The following SUPT16H variants were observed in gnomAD, a reference collection of about 807,000 sequenced individuals.
The protein encoded by SUPT16H is SPT16 homolog, facilitates chromatin remodeling subunit.
In SUPT16H, 24 loss-of-function variants were observed where a neutral mutation model predicts 136.2. The ratio of observed to expected loss-of-function variants is 0.18; its 90% confidence interval spans 0.13 to 0.25. The LOEUF is 0.25. Among genes scored for constraint, SUPT16H ranks in the 10% least tolerant of loss-of-function variants. SUPT16H has a pLI of 1.00. For missense variants in SUPT16H, 623 were observed against 1,270.2 expected (o/e 0.49, Z 7.74); for synonymous variants, 415 against 428.2 (o/e 0.97, Z 0.38).
At chr14:21,381,893 G>C (rs930335904) in intron 1 of SUPT16H, among the ~76,000 whole-genome samples, 9 of 151,206 alleles carry the variant, frequency 6.0e-5, no homozygotes, top group Admixed American at 5.3e-4. Context: ...TGCCCAGCCA[G>C]GTTTGGAATT....
At chr14:21,366,597 T>C (rs1886673522) in intron 7 of SUPT16H, 68 bp from the exon 8 acceptor site, 1 of 1,431,142 alleles carries the variant, frequency 7.0e-7, no homozygotes, top group South Asian at 1.2e-5. Context: ...CATTTTAAAA[T>C]CAAAATTTAT....
chr14:21,362,669 G>C, intron 14 of SUPT16H, 125 bp downstream of exon 14: 1 of 1,125,628 alleles, frequency 8.9e-7, no homozygotes, highest in Admixed American at 2.5e-5. Context: ...AGGGATGTCA[G>C]TAACTGAACA....
At chr14:21,379,555 T>C (rs575568252) in intron 1 of SUPT16H, among the ~76,000 whole-genome samples, 1 of 151,914 alleles carries the variant, frequency 6.6e-6, no homozygotes, top group Non-Finnish European at 1.5e-5. Flanking sequence ...TACTCAGCAT[T>C]ATTAAAAAGT....
At chr14:21,376,566 G>A (rs1015619934) in intron 1 of SUPT16H, among the ~76,000 whole-genome samples, 1 of 152,122 alleles carries the variant, frequency 6.6e-6, no homozygotes, top group African/African-American at 2.4e-5. Context: ...AGTAAGAAAT[G>A]TTTTCCTTCA....
chr14:21,371,369 C>T (rs1886782058), intron 3 of SUPT16H, among the ~76,000 whole-genome samples: 1 of 152,288 alleles, frequency 6.6e-6, no homozygotes, highest in African/African-American at 2.4e-5. Context: ...CCTCCCATCT[C>T]AGCCTCCTGA....
chr14:21,370,162 T>C (rs1450389197), intron 4 of SUPT16H, among the ~76,000 whole-genome samples, 174 bp downstream of exon 4: 6 of 152,104 alleles, frequency 3.9e-5, no homozygotes, highest in African/African-American at 2.4e-5. Flanking sequence ...TAAAGGCAGA[T>C]AGAAGAAAGG....
At chr14:21,383,744 G>C (rs1264750618) in intron 1 of SUPT16H, 118 bp downstream of exon 1, 1 of 1,175,700 alleles carries the variant, frequency 8.5e-7, no homozygotes, top group African/African-American at 1.5e-5. Context: ...GCAACGAAAA[G>C]GGTGAGGCAC....
chr14:21,366,253 T>A (rs1293356638), intron 8 of SUPT16H, among the ~76,000 whole-genome samples, 186 bp downstream of exon 8: 1 of 152,228 alleles, frequency 6.6e-6, no homozygotes, highest in African/African-American at 2.4e-5. Flanking sequence ...AAAATCTCTC[T>A]TATACACTTG....
intron 12 of SUPT16H, 24 bp downstream of exon 12, chr14:21,363,208 AT>A (rs765801063): frequency 6.2e-7 from 1 of 1,614,158 alleles, no homozygotes; most frequent in East Asian, 2.2e-5. Context: ...GCCGAGATCA[AT>A]GTAATTTAAA....
intron 2 of SUPT16H, chr14:21,372,726 A>G: frequency 2.3e-6 from 1 of 433,574 alleles, no homozygotes; most frequent in Non-Finnish European, 4.5e-6. Context: ...GACTATACAT[A>G]AGGAAAAGAA....
Position 21,360,414 on chromosome 14 carries a change from C to T in SUPT16H, c.2175+1G>A. ...ACAGCTAGTTAAGTAGAAAGGTATA[C>T]CTTGAGGTGAAAGTGCAAGACAATA... On this transcript the variant is annotated splice_donor_variant, in intron 18 of 25. Coordinates refer to ENST00000216297, the MANE Select transcript of SUPT16H (RefSeq NM_007192.4). LOFTEE classifies it high-confidence loss of function. 6.2e-7 allele frequency: 1 copy of T among 1,605,348 alleles called. No homozygotes were observed. Among genetic ancestry groups the T allele is most frequent in the Non-Finnish European group, 8.5e-7 (1 of 1,172,634 alleles).
intron 1 of SUPT16H, among the ~76,000 whole-genome samples, chr14:21,375,893 T>C (rs1222433355): frequency 6.6e-6 from 1 of 152,158 alleles, no homozygotes; most frequent in East Asian, 1.9e-4. Flanking sequence ...GTGCCTGGCC[T>C]ATCTATTTTC....
intron 1 of SUPT16H, among the ~76,000 whole-genome samples, chr14:21,379,989 G>A (rs1002283981): frequency 2.0e-5 from 3 of 152,156 alleles, no homozygotes; most frequent in Non-Finnish European, 4.4e-5. Flanking sequence ...TCCACTGCCT[G>A]ACTGAAATAA....
At chr14:21,369,624 A>T in intron 5 of SUPT16H, 126 bp downstream of exon 5, 1 of 1,262,762 alleles carries the variant, frequency 7.9e-7, no homozygotes, top group Non-Finnish European at 1.1e-6. Flanking sequence ...GAGATGATGT[A>T]ATTACCACCA....
At position 21,367,649 on chromosome 14, in the gene SUPT16H, A is replaced by G. The variant is rs563848181; in HGVS notation, c.955+620T>C. Reference sequence around the variant, plus strand: ...AACAGTATATATCCTGTAGGTAGAGATACTAGTTCTCAGAACTTTCTATAA... The same window carrying G: ...AACAGTATATATCCTGTAGGTAGAGGTACTAGTTCTCAGAACTTTCTATAA... On this transcript the variant is annotated intron_variant, in intron 7 of 25. Transcript: ENST00000216297. Among the ~76,000 whole-genome samples the G allele has an allele frequency of 2.6e-5, 4 of 152,334 alleles. 1 individual carries two copies. The highest frequency in any genetic ancestry group is 9.6e-5 in the African/African-American group (4 of 41,588).
Position 21,352,611 on chromosome 14 carries a change from T to C in SUPT16H, c.*62A>G, listed in dbSNP as rs1886337875. 6.2e-6 allele frequency: 10 copies of C among 1,606,648 alleles called. No individual in the cohort carries two copies. The highest frequency in any genetic ancestry group is 1.7e-5 in the Admixed American group (1 of 58,204). On this transcript the variant is annotated 3_prime_UTR_variant, in exon 26 of 26. Coordinates refer to ENST00000216297, the MANE Select transcript of SUPT16H (RefSeq NM_007192.4). ...CGAAAGGAAAAATACAGTTTCTATG[T>C]CATGTAAAATTTTCAGGGGTTGGCT...
At position 21,368,453 on chromosome 14, in the gene SUPT16H, CAAAG is replaced by C. The variant is rs1566389436; in HGVS notation, c.783-16_783-13del. 6.3e-7 allele frequency: 1 copy of C among 1,580,174 alleles called. No homozygotes were observed. The highest frequency in any genetic ancestry group is 2.3e-5 in the East Asian group (1 of 43,778). ...TATGATTCTTGTCACTAGAGACCAACAAAGAAAGAAAACATTTCATTACCAAAAC... is the reference window on the plus strand; with the variant it reads ...TATGATTCTTGTCACTAGAGACCAACAAAGAAAACATTTCATTACCAAAAC... On this transcript the variant is annotated splice_polypyrimidine_tract_variant and intron_variant, in intron 6 of 25. Transcript: ENST00000216297.
At chr14:21,352,924 AG>A in intron 25 of SUPT16H, 106 bp from the exon 26 acceptor site, 2 of 1,448,162 alleles carry the variant, frequency 1.4e-6, no homozygotes, top group Non-Finnish European at 1.9e-6. Context: ...ATCAGACCCA[AG>A]TTTTAATATT....
In SUPT16H at chr14:21,373,328, A is replaced by C; in HGVS notation, c.159+10T>G. On this transcript the variant is annotated intron_variant, in intron 2 of 25. Transcript: ENST00000216297. ...ACTCTAAGAGCTAAAAATTGCTGTAAATCTCTCACCTGTAAGGCAGTTGAT... is the reference window on the plus strand; with the variant it reads ...ACTCTAAGAGCTAAAAATTGCTGTACATCTCTCACCTGTAAGGCAGTTGAT... 1 of 1,605,162 alleles carries C rather than the reference A, an allele frequency of 6.2e-7. No individual in the cohort carries two copies. The highest frequency in any genetic ancestry group is 8.5e-7 in the Non-Finnish European group (1 of 1,171,898).
Sources: gnomAD v4.1 joint callset for allele counts (sites outside exome capture counted in the v4.1 genomes callset) on GRCh38, gnomAD v4.1.1 for gene constraint, MANE v1.5 for transcripts, NCBI Gene and HGNC (gene_info 2026-07-23, HGNC 2026-07-21) for gene names.